The following SORCS2 variants were observed in gnomAD, a reference collection of about 807,000 sequenced individuals.
The protein encoded by SORCS2 is VPS10 domain-containing receptor SorCS2.
A neutral mutation model predicts 141.6 loss-of-function variants in SORCS2; 100 were observed. The observed-to-expected ratio is 0.71, with a 90% CI of 0.60 to 0.83. SORCS2 has a LOEUF of 0.83. Among genes scored for constraint, SORCS2 ranks in the 40% least tolerant of loss-of-function variants. The pLI is 0.00. For missense variants in SORCS2, 1,646 were observed against 1,560.2 expected, an observed-to-expected ratio of 1.05 and a Z score of -0.93; for synonymous variants, 789 against 676.9, an observed-to-expected ratio of 1.17 and a Z score of -2.57.
At chr4:7,404,888 G>A (rs148101101) in intron 2 of SORCS2, among the ~76,000 whole-genome samples, 5 of 152,212 alleles carry the variant, frequency 3.3e-5, no homozygotes, top group Non-Finnish European at 7.4e-5. Context: ...TTTTGTTTTA[G>A]TTGCCTGTGC....
chr4:7,585,353 G>A (rs983439659), intron 3 of SORCS2, among the ~76,000 whole-genome samples: 8 of 152,266 alleles, frequency 5.3e-5, no homozygotes, highest in East Asian at 3.9e-4. Context: ...TTTGGGCTGC[G>A]GTGTAGGAGT....
At chr4:7,706,249 G>A (rs1458839045) in intron 14 of SORCS2, among the ~76,000 whole-genome samples, 5 of 106,694 alleles carry the variant, frequency 4.7e-5, no homozygotes, top group Non-Finnish European at 7.9e-5. Flanking sequence ...CTCCGCCTGG[G>A]CAGGGATGAG....
chr4:7,263,390 A>T (rs1714495664), intron 1 of SORCS2, among the ~76,000 whole-genome samples: 1 of 151,934 alleles, frequency 6.6e-6, no homozygotes, highest in Non-Finnish European at 1.5e-5. Context: ...GGACCTTGTC[A>T]AAGAAAGCAC....
chr4:7,241,301 G>T (rs1247844597), intron 1 of SORCS2, among the ~76,000 whole-genome samples: 3 of 152,188 alleles, frequency 2.0e-5, no homozygotes, highest in African/African-American at 7.2e-5. Flanking sequence ...AGTGTTTTAA[G>T]GTCCCTGCTT....
At chr4:7,452,792 T>C (rs994331281) in intron 2 of SORCS2, among the ~76,000 whole-genome samples, 10 of 152,276 alleles carry the variant, frequency 6.6e-5, no homozygotes, top group Admixed American at 5.9e-4. Context: ...TTGGACGTGT[T>C]AGTGTCAGGC....
At chr4:7,551,670 C>T (rs796399526) in intron 3 of SORCS2, among the ~76,000 whole-genome samples, 2 of 152,322 alleles carry the variant, frequency 1.3e-5, no homozygotes, top group South Asian at 2.1e-4. Context: ...GCTGTCAGGG[C>T]CACAAGGTGA....
At chr4:7,453,948 C>T (rs1242383506) in intron 2 of SORCS2, among the ~76,000 whole-genome samples, 3 of 100,056 alleles carry the variant, frequency 3.0e-5, no homozygotes, top group Admixed American at 1.1e-4. Context: ...GGGTCAGGAG[C>T]TGTGTGTTGG....
intron 2 of SORCS2, among the ~76,000 whole-genome samples, chr4:7,453,226 T>G (rs1487892140): frequency 8.3e-5 from 3 of 36,180 alleles, no homozygotes; most frequent in Admixed American, 3.9e-4. Context: ...GTGTTGGGGT[T>G]AGGAGCTGTG....
chr4:7,323,059 A>C (rs1718999968), intron 1 of SORCS2, among the ~76,000 whole-genome samples: 1 of 152,220 alleles, frequency 6.6e-6, no homozygotes, highest in African/African-American at 2.4e-5. Context: ...TGCCTTTATG[A>C]ACTGTGCATT....
At chr4:7,667,761 G>T (rs1286324976) in intron 8 of SORCS2, among the ~76,000 whole-genome samples, 1 of 152,212 alleles carries the variant, frequency 6.6e-6, no homozygotes, top group African/African-American at 2.4e-5. Context: ...GGCGAAGAAG[G>T]GGGACCAGGG....
chr4:7,669,569 G>A (rs564885824), intron 8 of SORCS2, among the ~76,000 whole-genome samples: 58 of 152,298 alleles, frequency 3.8e-4, no homozygotes, highest in African/African-American at 1.3e-3. Flanking sequence ...CTCATCAGAT[G>A]TTGTTGTTTT....
chr4:7,491,575 G>A (rs1731317880), intron 2 of SORCS2, among the ~76,000 whole-genome samples: 1 of 152,262 alleles, frequency 6.6e-6, no homozygotes, highest in South Asian at 2.1e-4. Context: ...TCTCTGGATT[G>A]ACTTCTTCAC....
Position 7,577,129 on chromosome 4 carries a change from C to T in SORCS2, c.648+45500C>T, listed in dbSNP as rs570245746. On this transcript the variant is annotated intron_variant, in intron 3 of 26. Coordinates refer to ENST00000507866, the MANE Select transcript of SORCS2 (RefSeq NM_020777.3). ...GAGATCACAGCTGCTGTGACAAGAA[C>T]GCTCATGTGGAGGGTGTGAGCTGGA... 3.9e-5 allele frequency among the ~76,000 whole-genome samples: 6 copies of T among 152,230 alleles called. No individual in the cohort carries two copies. In the East Asian group the frequency reaches 1.2e-3, roughly 29 times the overall value.
At chr4:7,706,013 T>G (rs1725408692) in intron 14 of SORCS2, among the ~76,000 whole-genome samples, 1 of 146,146 alleles carries the variant, frequency 6.8e-6, no homozygotes, top group African/African-American at 2.5e-5. Context: ...TGGACAGGGA[T>G]GAGGCTGGGC....
intron 1 of SORCS2, among the ~76,000 whole-genome samples, chr4:7,362,847 T>C (rs201932277): frequency 0.086 from 12,887 of 150,436 alleles, 642 homozygotes; most frequent in East Asian, 0.18. Context: ...ATCATCATTA[T>C]CACCATCATC....
intron 1 of SORCS2, among the ~76,000 whole-genome samples, chr4:7,212,229 G>A (rs1345618595): frequency 1.3e-5 from 2 of 152,200 alleles, no homozygotes; most frequent in East Asian, 3.9e-4. Context: ...AGCCCACACG[G>A]CACAGGTCAG....
At chr4:7,716,685 GTCCA>G (rs34499695) in intron 17 of SORCS2, among the ~76,000 whole-genome samples, 104 of 151,282 alleles carry the variant, frequency 6.9e-4, no homozygotes, top group African/African-American at 2.2e-3. Context: ...TTCATTCACC[GTCCA>G]TCCATCCATC....
intron 2 of SORCS2, among the ~76,000 whole-genome samples, chr4:7,479,056 T>C (rs919241761): frequency 6.6e-6 from 1 of 152,140 alleles, no homozygotes; most frequent in Admixed American, 6.5e-5. Flanking sequence ...TGATAAGCTG[T>C]GTTCCTCATG....
chr4:7,457,932 G>A (rs866777889), intron 2 of SORCS2, among the ~76,000 whole-genome samples: 2 of 151,970 alleles, frequency 1.3e-5, no homozygotes, highest in African/African-American at 4.8e-5. Flanking sequence ...CCACTAGCCC[G>A]AGAGGCTGCG....
Sources: allele counts gnomAD v4.1 joint callset (sites outside exome capture counted in the v4.1 genomes callset), GRCh38; gene constraint gnomAD v4.1.1; transcripts MANE v1.5; gene names NCBI Gene and HGNC (gene_info 2026-07-23, HGNC 2026-07-21).